Variants in SGK1 observed in about 807,000 individuals in gnomAD.
SGK1 encodes serine/threonine-protein kinase Sgk1.
A neutral mutation model predicts 64.2 loss-of-function variants in SGK1; 26 were observed. That is an observed-to-expected ratio of 0.40 (90% CI 0.30 to 0.56). SGK1 has a LOEUF of 0.56. Among genes scored for constraint, SGK1 ranks in the 20% least tolerant of loss-of-function variants. SGK1 has a pLI of 0.38. For synonymous variants in SGK1, 265 were observed against 239.7 expected (o/e 1.11, Z -0.98); for missense variants, 519 against 645.6 (o/e 0.80, Z 2.12).
chr6:134,296,634 A>G (rs745615389), intron 1 of SGK1, among the ~76,000 whole-genome samples: 2 of 152,056 alleles, frequency 1.3e-5, no homozygotes, highest in Non-Finnish European at 2.9e-5. Context: ...CATTTTGTCA[A>G]TTAAGTGTTT....
chr6:134,220,981 C>CAA (rs201634413), intron 2 of SGK1, among the ~76,000 whole-genome samples: 59 of 91,074 alleles, frequency 6.5e-4, no homozygotes, highest in African/African-American at 1.9e-3. Flanking sequence ...GACTCCGGCT[C>CAA]AAAAAAAAAA....
chr6:134,175,633 C>T, intron 3 of SGK1: 1 of 1,535,458 alleles, frequency 6.5e-7, no homozygotes. Flanking sequence ...GAGCCGGGCT[C>T]TGGCCAGCGC....
intron 2 of SGK1, among the ~76,000 whole-genome samples, chr6:134,258,106 A>AC (rs1776711209): frequency 6.9e-6 from 1 of 144,412 alleles, no homozygotes; most frequent in Non-Finnish European, 1.5e-5. Flanking sequence ...CAAAATATAG[A>AC]TTTTTTTTTT....
chr6:134,218,483 G>C (rs1776025351), intron 2 of SGK1, among the ~76,000 whole-genome samples: 1 of 148,170 alleles, frequency 6.7e-6, no homozygotes, highest in Admixed American at 6.8e-5. Context: ...GCCCAGGCTG[G>C]AGTGCAGTGG....
At chr6:134,213,136 C>T (rs1166167590) in intron 2 of SGK1, among the ~76,000 whole-genome samples, 1 of 152,090 alleles carries the variant, frequency 6.6e-6, no homozygotes, top group Non-Finnish European at 1.5e-5. Context: ...TTATAGAAAT[C>T]CTTGAACTAT....
intron 1 of SGK1, among the ~76,000 whole-genome samples, chr6:134,291,479 G>A (rs1777263777): frequency 6.6e-6 from 1 of 152,178 alleles, no homozygotes; most frequent in Non-Finnish European, 1.5e-5. Context: ...TCTTCAGTTG[G>A]CATGATAATA....
intron 2 of SGK1, among the ~76,000 whole-genome samples, chr6:134,209,728 G>A (rs1389843146): frequency 1.3e-5 from 2 of 152,144 alleles, no homozygotes; most frequent in South Asian, 2.1e-4. Context: ...CCAGGCTAGA[G>A]TGCAATGGTG....
chr6:134,223,239 G>A (rs970100884), intron 2 of SGK1, among the ~76,000 whole-genome samples: 3 of 150,450 alleles, frequency 2.0e-5, no homozygotes, highest in Non-Finnish European at 4.4e-5. Flanking sequence ...GTGGTGGTGC[G>A]TGCCTGTAAT....
chr6:134,217,536 C>G (rs909140835), intron 2 of SGK1, among the ~76,000 whole-genome samples: 2 of 152,162 alleles, frequency 1.3e-5, no homozygotes, highest in African/African-American at 4.8e-5. Context: ...CTACAGTCCT[C>G]CACTTCACAC....
intron 1 of SGK1, chr6:134,298,259 G>A (rs186322705): frequency 6.5e-5 from 102 of 1,574,596 alleles, no homozygotes; most frequent in Admixed American, 1.0e-4. Context: ...TGCCGCCTAA[G>A]GTTGTTGAAG....
intron 2 of SGK1, chr6:134,261,639 T>C: frequency 3.4e-6 from 2 of 581,372 alleles, no homozygotes; most frequent in East Asian, 5.5e-5. Flanking sequence ...AAAACTCTGC[T>C]AGGGAATGTT....
intron 1 of SGK1, among the ~76,000 whole-genome samples, chr6:134,291,753 A>G (rs1264718914): frequency 2.6e-5 from 4 of 152,188 alleles, no homozygotes; most frequent in Non-Finnish European, 4.4e-5. Flanking sequence ...CAATAAAGCC[A>G]ACTGAAATCT....
At chr6:134,279,224 G>A (rs1229095365) in intron 1 of SGK1, among the ~76,000 whole-genome samples, 1 of 152,082 alleles carries the variant, frequency 6.6e-6, no homozygotes, top group South Asian at 2.1e-4. Context: ...TTGAGGTCAG[G>A]AGTTCAAGAC....
At chr6:134,210,041 T>C (rs1775862216) in intron 2 of SGK1, among the ~76,000 whole-genome samples, 1 of 152,214 alleles carries the variant, frequency 6.6e-6, no homozygotes, top group Admixed American at 6.5e-5. Flanking sequence ...CTCCTTCTCT[T>C]GTGGACCAGT....
chr6:134,312,859 G>A (rs1201998563), intron 1 of SGK1, among the ~76,000 whole-genome samples: 1 of 151,698 alleles, frequency 6.6e-6, no homozygotes, highest in Non-Finnish European at 1.5e-5. Flanking sequence ...TACAACCTCC[G>A]CCTCCCTGGT....
chr6:134,282,676 G>A (rs780273311), intron 1 of SGK1, among the ~76,000 whole-genome samples: 2 of 151,286 alleles, frequency 1.3e-5, no homozygotes, highest in African/African-American at 2.5e-5. Flanking sequence ...AAATAAAAGA[G>A]TTTATCTTTG....
chr6:134,210,878 A>G (rs1226746980), intron 2 of SGK1, among the ~76,000 whole-genome samples: 1 of 150,456 alleles, frequency 6.6e-6, no homozygotes, highest in African/African-American at 2.5e-5. Context: ...GTAATCCCAC[A>G]CTTTGGGAGA....
intron 2 of SGK1, among the ~76,000 whole-genome samples, chr6:134,232,972 TTAA>T (rs1251509504): frequency 6.6e-6 from 1 of 150,380 alleles, no homozygotes; most frequent in Non-Finnish European, 1.5e-5. Context: ...TCTTCAATTT[TTAA>T]TAATATTTTA....
intron 3 of SGK1, among the ~76,000 whole-genome samples, chr6:134,204,260 A>AAT (rs1562249488): frequency 1.3e-4 from 19 of 144,744 alleles, no homozygotes; most frequent in African/African-American, 5.3e-4. Flanking sequence ...AAATAAATAA[A>AAT]TAAATAATTA....
Sources: gnomAD v4.1 joint callset for allele counts (sites outside exome capture counted in the v4.1 genomes callset) on GRCh38, gnomAD v4.1.1 for gene constraint, MANE v1.5 for transcripts, NCBI Gene and HGNC (gene_info 2026-07-23, HGNC 2026-07-21) for gene names.